ZNF423: variants seen among roughly 807,000 people sequenced by gnomAD.
ZNF423 encodes the protein zinc finger protein 423.
Under a neutral mutation model 95.8 loss-of-function variants are expected in ZNF423, and 12 were observed. The ratio of observed to expected loss-of-function variants is 0.13; its 90% CI spans 0.08 to 0.20. The LOEUF (loss-of-function observed/expected upper bound fraction) is 0.20, where lower values mean the gene tolerates loss of function less well. Ranked by LOEUF, ZNF423 falls within the 10% of genes least tolerant of loss-of-function variation. The probability of loss-of-function intolerance (pLI) is 1.00; values close to 1 mark genes in which losing one functional copy is unlikely to be tolerated. For missense variants in ZNF423, 1,316 were observed against 1,737.1 expected (o/e 0.76, Z 4.31); for synonymous variants, 749 against 711.9 (o/e 1.05, Z -0.83).
intron 5 of ZNF423, among the ~76,000 whole-genome samples, chr16:49,547,945 T>A (rs1306192611): frequency 6.6e-6 from 1 of 152,216 alleles, no homozygotes; most frequent in Non-Finnish European, 1.5e-5. Flanking sequence ...ACGGCCTCCT[T>A]CCACTTTCCC....
chr16:49,675,470 C>T (rs1476031864), intron 3 of ZNF423, among the ~76,000 whole-genome samples: 2 of 152,114 alleles, frequency 1.3e-5, no homozygotes, highest in South Asian at 2.1e-4. Context: ...AACTGCCCCA[C>T]CCCTCCCTCA....
chr16:49,505,840 T>C (rs773896482), intron 7 of ZNF423, among the ~76,000 whole-genome samples: 9 of 152,106 alleles, frequency 5.9e-5, no homozygotes, highest in Non-Finnish European at 1.0e-4. Flanking sequence ...CTCAAATGCC[T>C]CGTCTGCCCT....
In ZNF423 at chr16:49,521,488, G is replaced by A. The variant is rs117268188; in HGVS notation, c.3849+2136C>T. 3.4e-3 allele frequency among the ~76,000 whole-genome samples: 520 copies of A among 152,296 alleles called. 4 individuals carry two copies. Among genetic ancestry groups the A allele is most frequent in the Non-Finnish European group, 5.1e-3 (347 of 68,024 alleles). ...AGCACACGAGCAGGGAGGCTTCTTG[G>A]ATGGCATCAACGCCTAGCTGTCGCC... On this transcript the variant is annotated intron_variant, in intron 7 of 7. Coordinates refer to ENST00000563137, the MANE Select transcript of ZNF423 (RefSeq NM_001379286.1).
At chr16:49,569,935 G>A (rs929929315) in intron 5 of ZNF423, among the ~76,000 whole-genome samples, 20 of 152,184 alleles carry the variant, frequency 1.3e-4, no homozygotes, top group African/African-American at 2.4e-4. Context: ...TGGCAGGGGC[G>A]TAAGCAACTT....
chr16:49,719,755 G>C (rs993428196), intron 3 of ZNF423, among the ~76,000 whole-genome samples: 1 of 152,194 alleles, frequency 6.6e-6, no homozygotes, highest in Admixed American at 6.5e-5. Context: ...CAGCCATGCT[G>C]CCTGTACAGC....
At chr16:49,691,063 C>T (rs925558128) in intron 3 of ZNF423, among the ~76,000 whole-genome samples, 2 of 152,228 alleles carry the variant, frequency 1.3e-5, no homozygotes, top group Non-Finnish European at 2.9e-5. Context: ...AAGCAGCCGT[C>T]GGAGGGGGCT....
At chr16:49,709,795 A>C (rs12709071) in intron 3 of ZNF423, among the ~76,000 whole-genome samples, 1 of 151,964 alleles carries the variant, frequency 6.6e-6, no homozygotes, top group Non-Finnish European at 1.5e-5. Context: ...GTCTCCATCT[A>C]TGAGGAGTGG....
chr16:49,500,401 A>G (rs921784739), intron 7 of ZNF423, among the ~76,000 whole-genome samples: 1 of 152,140 alleles, frequency 6.6e-6, no homozygotes, highest in African/African-American at 2.4e-5. Context: ...TGGCCACTGC[A>G]AACTCCATTC....
chr16:49,605,881 GA>G, intron 5 of ZNF423, among the ~76,000 whole-genome samples: 1 of 152,170 alleles, frequency 6.6e-6, no homozygotes, highest in Admixed American at 6.5e-5. Context: ...TTTCCAAACT[GA>G]AAACACAAGG....
At chr16:49,681,371 C>T (rs911188929) in intron 3 of ZNF423, among the ~76,000 whole-genome samples, 3 of 152,206 alleles carry the variant, frequency 2.0e-5, no homozygotes, top group Non-Finnish European at 4.4e-5. Flanking sequence ...CTTTCTTCCC[C>T]GTCAGCAGGA....
chr16:49,658,094 A>C (rs1487014401), intron 3 of ZNF423, among the ~76,000 whole-genome samples: 1 of 152,232 alleles, frequency 6.6e-6, no homozygotes, highest in East Asian at 1.9e-4. Context: ...ATTAAAATAA[A>C]GATGTAATTG....
chr16:49,582,578 T>A (rs1282046206), intron 5 of ZNF423, among the ~76,000 whole-genome samples: 3 of 152,204 alleles, frequency 2.0e-5, no homozygotes, highest in Non-Finnish European at 4.4e-5. Flanking sequence ...ACCAATGTAA[T>A]TGATCCCATC....
intron 7 of ZNF423, among the ~76,000 whole-genome samples, chr16:49,500,199 C>T (rs1967339053): frequency 6.6e-6 from 1 of 152,178 alleles, no homozygotes; most frequent in Non-Finnish European, 1.5e-5. Flanking sequence ...TGACCCCCAC[C>T]TACTGCTGCT....
At chr16:49,739,871 T>TC (rs144302984) in intron 2 of ZNF423, among the ~76,000 whole-genome samples, 10,728 of 151,322 alleles carry the variant, frequency 0.071, 472 homozygotes, top group East Asian at 0.15. Flanking sequence ...TAATTTTTTT[T>TC]CCCCCAAGAC....
chr16:49,570,488 C>A (rs779117584), intron 5 of ZNF423, among the ~76,000 whole-genome samples: 3 of 152,138 alleles, frequency 2.0e-5, no homozygotes, highest in East Asian at 3.9e-4. Context: ...TTATTTAATT[C>A]TTTTTCTTCC....
intron 5 of ZNF423, among the ~76,000 whole-genome samples, chr16:49,623,116 G>T (rs1353942555): frequency 1.3e-5 from 2 of 152,158 alleles, no homozygotes; most frequent in Admixed American, 6.5e-5. Context: ...CTCACCCGGG[G>T]TTCCATGCCG....
At position 49,709,101 on chromosome 16, in the gene ZNF423, C is replaced by T. The variant is rs571448272; in HGVS notation, c.301+21670G>A. Among the ~76,000 whole-genome samples the T allele has an allele frequency of 6.6e-5, 10 of 150,810 alleles. No individual in the cohort carries two copies. In the East Asian group the frequency reaches 2.0e-3, roughly 30 times the overall value. On this transcript the variant is annotated intron_variant, in intron 3 of 7. Coordinates refer to ENST00000563137, the MANE Select transcript of ZNF423 (RefSeq NM_001379286.1). ...AGGACATAAGGATGAACAAGACAGG[C>T]CTTATCCTCCAGCAGCTCGGCCCAG...
intron 4 of ZNF423, among the ~76,000 whole-genome samples, chr16:49,627,714 T>TCTACTCCAA (rs1282016943): frequency 6.7e-6 from 1 of 149,072 alleles, no homozygotes; most frequent in East Asian, 2.0e-4. Flanking sequence ...CATCCATCCA[T>TCTACTCCAA]CCATCCATCC....
Position 49,636,901 on chromosome 16 carries a change from G to T in ZNF423, c.2275C>A (p.Arg759Ser), listed in dbSNP as rs757246232. 6.2e-7 allele frequency: 1 copy of T among 1,613,910 alleles called. No homozygotes were observed. The highest frequency in any genetic ancestry group is 8.5e-7 in the Non-Finnish European group (1 of 1,180,032). ...VKHSNEKKMY[R>S]CTACNWDFRK... ...AAGTCCCAGTTGCAGGCCGTGCAGC[G>T]GTACATCTTCTTCTCATTGCTGTGC... Residue 759 changes from arginine to serine, a missense_variant, in exon 4 of 8, where the codon CGC becomes AGC. Arg to Ser is a moderately radical substitution (Grantham distance 110). Coordinates refer to ENST00000563137, the MANE Select transcript of ZNF423 (RefSeq NM_001379286.1). This position sits in a 1 kb window ranked among gnomAD's most constrained non-coding sequence, Gnocchi z 8.6.
Sources: allele counts gnomAD v4.1 joint callset (sites outside exome capture counted in the v4.1 genomes callset), GRCh38; gene constraint gnomAD v4.1.1; non-coding constraint Gnocchi (gnomAD v3.1); transcripts MANE v1.5; gene names NCBI Gene and HGNC (gene_info 2026-07-23, HGNC 2026-07-21).